The following LRP1B variants were observed in gnomAD, a reference collection of about 807,000 sequenced individuals.
LRP1B encodes low-density lipoprotein receptor-related protein 1B.
LRP1B carries 217 observed loss-of-function variants against 556.6 expected under a neutral mutation model. That is an observed-to-expected ratio of 0.39 (90% CI 0.35 to 0.44). The LOEUF (loss-of-function observed/expected upper bound fraction) is 0.44, where lower values mean the gene tolerates loss of function less well. LRP1B is among the 20% of genes least tolerant of loss of function. The probability of loss-of-function intolerance (pLI) is 1.00; values close to 1 mark genes in which losing one functional copy is unlikely to be tolerated. For synonymous variants in LRP1B, 2,047 were observed against 1,865.8 expected, an observed-to-expected ratio of 1.10 and a Z score of -2.50; for missense variants, 5,053 against 5,620.8, an observed-to-expected ratio of 0.90 and a Z score of 3.23.
At chr2:141,295,394 G>GT (rs1477504312) in intron 3 of LRP1B, among the ~76,000 whole-genome samples, 4 of 151,934 alleles carry the variant, frequency 2.6e-5, no homozygotes, top group Non-Finnish European at 5.9e-5. Flanking sequence ...CTTTCAAACC[G>GT]TAAGTCTTCT....
chr2:140,943,156 T>A (rs1163128049), intron 20 of LRP1B, among the ~76,000 whole-genome samples: 1 of 152,086 alleles, frequency 6.6e-6, no homozygotes, highest in Non-Finnish European at 1.5e-5. Flanking sequence ...TAAAATAGAC[T>A]TTAAACCAGC....
chr2:140,444,191 G>T (rs1573945435), intron 65 of LRP1B, 139 bp downstream of exon 65: 7 of 834,380 alleles, frequency 8.4e-6, no homozygotes, highest in South Asian at 4.4e-5. Context: ...ATCCCAGTTG[G>T]CATCTATTTC....
At chr2:141,277,665 CTT>C (rs374385237) in intron 3 of LRP1B, among the ~76,000 whole-genome samples, 4 of 138,252 alleles carry the variant, frequency 2.9e-5, no homozygotes, top group Non-Finnish European at 4.7e-5. Flanking sequence ...GTTTTTCATC[CTT>C]TTTTTTTTTT....
chr2:140,902,828 A>G (rs767774311), intron 23 of LRP1B, 92 bp downstream of exon 23: 482 of 1,340,142 alleles, frequency 3.6e-4, no homozygotes, highest in Non-Finnish European at 4.6e-4. Context: ...AATGAGTTGA[A>G]TCCTTTCATT....
intron 2 of LRP1B, among the ~76,000 whole-genome samples, chr2:141,582,561 G>A (rs1291751408): frequency 6.6e-6 from 1 of 151,958 alleles, no homozygotes; most frequent in East Asian, 1.9e-4. Context: ...AAAGCAGTTA[G>A]TTATATTTGT....
intron 1 of LRP1B, among the ~76,000 whole-genome samples, chr2:141,860,307 CTTTTATA>C (rs1698195817): frequency 6.6e-6 from 1 of 152,118 alleles, no homozygotes; most frequent in Non-Finnish European, 1.5e-5. Flanking sequence ...TATCACTGTA[CTTTTATA>C]TTTTATATTT....
intron 3 of LRP1B, among the ~76,000 whole-genome samples, chr2:141,295,533 G>A (rs1686147610): frequency 1.3e-5 from 2 of 152,156 alleles, no homozygotes; most frequent in South Asian, 4.1e-4. Context: ...CAATTGCTTA[G>A]TGTCTCCTTG....
intron 49 of LRP1B, among the ~76,000 whole-genome samples, chr2:140,517,720 T>TTG (rs1278792023): frequency 6.8e-6 from 1 of 147,974 alleles, no homozygotes; most frequent in Non-Finnish European, 1.5e-5. Flanking sequence ...TTTTTTTTTT[T>TTG]TTTTTGTTGA....
At chr2:140,885,552 T>C (rs1693609745) in intron 24 of LRP1B, among the ~76,000 whole-genome samples, 1 of 151,946 alleles carries the variant, frequency 6.6e-6, no homozygotes, top group African/African-American at 2.4e-5. Context: ...GGTTTCATCA[T>C]ATGGGCCAGG....
intron 43 of LRP1B, among the ~76,000 whole-genome samples, chr2:140,563,319 A>G (rs1681004030): frequency 6.6e-6 from 1 of 152,226 alleles, no homozygotes; most frequent in Non-Finnish European, 1.5e-5. Flanking sequence ...AATACTGAAT[A>G]GTGCCATGAA....
intron 7 of LRP1B, among the ~76,000 whole-genome samples, chr2:141,182,230 G>T (rs1454824854): frequency 6.6e-6 from 1 of 151,954 alleles, no homozygotes; most frequent in African/African-American, 2.4e-5. Context: ...TATTTAATAG[G>T]CTCTAGACAG....
intron 79 of LRP1B, among the ~76,000 whole-genome samples, chr2:140,329,452 A>G (rs1055030805): frequency 3.3e-5 from 5 of 152,056 alleles, no homozygotes; most frequent in African/African-American, 9.7e-5. Context: ...AGAAATTCAT[A>G]ATGTCTCTGT....
intron 3 of LRP1B, among the ~76,000 whole-genome samples, chr2:141,479,708 T>C (rs568082388): frequency 6.6e-6 from 1 of 152,294 alleles, no homozygotes; most frequent in African/African-American, 2.4e-5. Context: ...ACCTGGATCC[T>C]TGACTGTTTT....
chr2:140,668,698 G>A (rs1195953571), intron 41 of LRP1B, among the ~76,000 whole-genome samples: 1 of 152,016 alleles, frequency 6.6e-6, no homozygotes, highest in African/African-American at 2.4e-5. Context: ...TTTCTGATAT[G>A]TCTCTATATT....
intron 66 of LRP1B, among the ~76,000 whole-genome samples, chr2:140,441,752 A>T (rs1379743729): frequency 6.6e-6 from 1 of 152,162 alleles, no homozygotes; most frequent in African/African-American, 2.4e-5. Context: ...ACTAGATGAA[A>T]TGCTTTTTGC....
chr2:141,621,334 T>A (rs1688499340), intron 2 of LRP1B, among the ~76,000 whole-genome samples: 1 of 152,162 alleles, frequency 6.6e-6, no homozygotes, highest in Non-Finnish European at 1.5e-5. Context: ...TTAACATGAA[T>A]AATGATGAAT....
chr2:140,972,409 A>T (rs1174192070), intron 18 of LRP1B, among the ~76,000 whole-genome samples: 2 of 152,194 alleles, frequency 1.3e-5, no homozygotes, highest in Admixed American at 1.3e-4. Flanking sequence ...AGTAGAGAGC[A>T]AATAGGTTTG....
intron 55 of LRP1B, among the ~76,000 whole-genome samples, chr2:140,497,702 C>T (rs564104073): frequency 6.6e-6 from 1 of 151,766 alleles, no homozygotes; most frequent in South Asian, 2.1e-4. Context: ...TCCTCTAAAA[C>T]AGTATTATTA....
chr2:141,939,709 G>A (rs1292033769), intron 1 of LRP1B, among the ~76,000 whole-genome samples: 1 of 151,956 alleles, frequency 6.6e-6, no homozygotes, highest in African/African-American at 2.4e-5. Flanking sequence ...AATAGATAAT[G>A]GTATATCACT....
Sources: gnomAD v4.1 joint callset for allele counts (sites outside exome capture counted in the v4.1 genomes callset) on GRCh38, gnomAD v4.1.1 for gene constraint, MANE v1.5 for transcripts, NCBI Gene and HGNC (gene_info 2026-07-23, HGNC 2026-07-21) for gene names.